The following NALCN variants were observed in gnomAD, a reference collection of about 807,000 sequenced individuals.
The protein encoded by NALCN is sodium leak channel, non-selective.
A neutral mutation model predicts 225.3 loss-of-function variants in NALCN; 111 were observed. That is an observed-to-expected ratio of 0.49 (90% CI 0.42 to 0.58). The LOEUF is 0.58. Ranked by LOEUF, NALCN falls within the 20% of genes least tolerant of loss-of-function variation. The probability of loss-of-function intolerance (pLI) is 0.00; values close to 1 mark genes in which losing one functional copy is unlikely to be tolerated. For synonymous variants in NALCN, 764 were observed against 769.0 expected (o/e 0.99, Z 0.11); for missense variants, 1,378 against 2,202.4 (o/e 0.63, Z 7.49).
At chr13:101,323,376 C>A (rs1298853548) in intron 7 of NALCN, among the ~76,000 whole-genome samples, 1 of 152,166 alleles carries the variant, frequency 6.6e-6, no homozygotes, top group Admixed American at 6.5e-5. Context: ...ACGGCATAAT[C>A]TGTTGACATT....
chr13:101,201,033 C>G (rs772471059), intron 13 of NALCN, among the ~76,000 whole-genome samples: 4 of 152,086 alleles, frequency 2.6e-5, no homozygotes, highest in Non-Finnish European at 5.9e-5. Flanking sequence ...TTTGCTATAT[C>G]CCAAGCACAT....
At chr13:101,254,338 A>ACT (rs2042150729) in intron 11 of NALCN, among the ~76,000 whole-genome samples, 1 of 133,604 alleles carries the variant, frequency 7.5e-6, no homozygotes. Context: ...GTGCCACTGC[A>ACT]CTCTAGCCTG....
At chr13:101,152,880 C>T (rs1324363904) in intron 15 of NALCN, among the ~76,000 whole-genome samples, 1 of 151,800 alleles carries the variant, frequency 6.6e-6, no homozygotes, top group Non-Finnish European at 1.5e-5. Context: ...ATCTTTTTTG[C>T]TCCACTTCAG....
intron 17 of NALCN, among the ~76,000 whole-genome samples, chr13:101,136,009 C>T (rs1029322721): frequency 8.5e-5 from 13 of 152,298 alleles, no homozygotes; most frequent in African/African-American, 2.6e-4. Flanking sequence ...CTAAGGAATA[C>T]AAACAGCTGA....
chr13:101,231,300 A>C (rs2140138126), intron 12 of NALCN, among the ~76,000 whole-genome samples: 1 of 152,298 alleles, frequency 6.6e-6, no homozygotes, highest in East Asian at 1.9e-4. Flanking sequence ...TTATTCACTC[A>C]TTTGTTTAAC....
At chr13:101,195,288 A>C (rs535769796) in intron 13 of NALCN, among the ~76,000 whole-genome samples, 20 of 151,914 alleles carry the variant, frequency 1.3e-4, no homozygotes, top group Non-Finnish European at 2.5e-4. Flanking sequence ...GTTTCCACCA[A>C]CTCTTTACAA....
At chr13:101,097,213 T>C (rs2139583321) in intron 27 of NALCN, among the ~76,000 whole-genome samples, 1 of 152,332 alleles carries the variant, frequency 6.6e-6, no homozygotes, top group African/African-American at 2.4e-5. Context: ...GGAAGAAAAC[T>C]TACCCACAAT....
intron 7 of NALCN, among the ~76,000 whole-genome samples, chr13:101,314,420 ATTTTGGAGC>A (rs1189576543): frequency 6.6e-6 from 1 of 152,188 alleles, no homozygotes; most frequent in African/African-American, 2.4e-5. Flanking sequence ...TACATGTGAA[ATTTTGGAGC>A]AAGGGCCAGA....
intron 27 of NALCN, 135 bp downstream of exon 27, chr13:101,100,649 T>C (rs1301779644): frequency 8.2e-6 from 5 of 606,940 alleles, no homozygotes; most frequent in South Asian, 5.2e-5. Context: ...GGTGAGATCA[T>C]AGCTCACTGC....
At chr13:101,147,191 C>G (rs2037389369) in intron 15 of NALCN, among the ~76,000 whole-genome samples, 1 of 152,190 alleles carries the variant, frequency 6.6e-6, no homozygotes, top group Admixed American at 6.5e-5. Flanking sequence ...ACCAGTGCCT[C>G]CCTGGCCAAT....
intron 39 of NALCN, 146 bp from the exon 40 acceptor site, chr13:101,065,707 C>T (rs1369455239): frequency 4.2e-6 from 4 of 955,814 alleles, no homozygotes; most frequent in Non-Finnish European, 6.0e-6. Flanking sequence ...CTCCTTGGAG[C>T]CTGGTAGAAT....
intron 10 of NALCN, among the ~76,000 whole-genome samples, chr13:101,278,522 C>CA (rs3061766): frequency 0.059 from 5,126 of 86,702 alleles, 403 homozygotes; most frequent in African/African-American, 0.094. Context: ...GACTCTGTCT[C>CA]AAAAAAAAAA....
At chr13:101,149,989 C>G (rs2037556009) in intron 15 of NALCN, among the ~76,000 whole-genome samples, 1 of 152,194 alleles carries the variant, frequency 6.6e-6, no homozygotes, top group Non-Finnish European at 1.5e-5. Context: ...TGTTAAAAGT[C>G]CCAAAATGTG....
rs777527349 is a variant in NALCN, at chr13:101,082,829, T to G, written c.3745A>C (p.Thr1249Pro). The change falls in exon 33 of 44, where the codon ACC (threonine) becomes CCC (proline). Residue 1249 changes from threonine (T) to proline (P), a missense_variant. Thr to Pro is a conservative substitution (Grantham distance 38). Transcript: ENST00000251127. ...AGTACCTCCAGAACAAAGATGAAGG[T>G]GAAAACAACTGACATTGTTGCCAAA... ...VPLATMSVVF[T>P]FIFVLEVTMK... is the part of the protein sequence containing the mutation. The G allele has an allele frequency of 2.5e-6, 4 of 1,613,954 alleles. No individual in the cohort carries two copies. The African/African-American group carries it at 5.3e-5, about 22-fold the overall frequency.
chr13:101,139,706 C>T lies in NALCN; in HGVS notation c.2118+3374G>A, dbSNP rs1040631023. On this transcript the variant is annotated intron_variant, in intron 17 of 43. Coordinates refer to ENST00000251127, the MANE Select transcript of NALCN (RefSeq NM_052867.4). ...TTTAATGGAAATTTCTAAGTGCTCG[C>T]TGAAAAATACTTTATAAGGGGAACT... 3.3e-5 allele frequency among the ~76,000 whole-genome samples: 5 copies of T among 151,958 alleles called. 1 individual carries two copies. The highest frequency in any genetic ancestry group is 4.4e-5 in the Non-Finnish European group (3 of 68,024).
At chr13:101,279,306 G>T (rs2043069101) in intron 10 of NALCN, among the ~76,000 whole-genome samples, 1 of 152,156 alleles carries the variant, frequency 6.6e-6, no homozygotes, top group African/African-American at 2.4e-5. Context: ...CTGTGAAAAT[G>T]TCAGTGCTTC....
intron 36 of NALCN, 43 bp downstream of exon 36, chr13:101,074,471 G>A (rs1229509703): frequency 6.8e-7 from 1 of 1,469,424 alleles, no homozygotes; most frequent in Non-Finnish European, 9.0e-7. Context: ...TATTACCAAA[G>A]GGTTTGCTTG....
intron 37 of NALCN, 62 bp from the exon 38 acceptor site, chr13:101,068,889 C>A: frequency 6.7e-7 from 1 of 1,488,228 alleles, no homozygotes; most frequent in South Asian, 1.5e-5. Context: ...TTTCTTTTAG[C>A]TGACTATAGT....
rs758646676 is a variant in NALCN, at chr13:101,192,006, C to A, written c.1675G>T (p.Val559Leu). 1.3e-6 allele frequency: 2 copies of A among 1,596,902 alleles called. No homozygotes were observed. The highest frequency in any genetic ancestry group is 1.7e-6 in the Non-Finnish European group (2 of 1,174,924). Reference sequence around the variant, plus strand: ...ACAGCATTTAGAGTTTGGTCCATTACGTCCACCCATCCTTCCTGGGTGAGG... The same window carrying A: ...ACAGCATTTAGAGTTTGGTCCATTAAGTCCACCCATCCTTCCTGGGTGAGG... ...QILTQEGWVD[V>L]MDQTLNAVGH... is the part of the protein sequence containing the mutation. Residue 559 changes from valine (V) to leucine (L), a missense_variant, in exon 14 of 44, where the codon GTA becomes TTA. By Grantham distance (32) the Val-to-Leu change is conservative. This residue lies in a region of NALCN where 62 missense variants were observed against 143.6 expected (regional missense o/e 0.43). Coordinates refer to ENST00000251127, the MANE Select transcript of NALCN (RefSeq NM_052867.4).
Sources: gnomAD v4.1 joint callset for allele counts (sites outside exome capture counted in the v4.1 genomes callset) on GRCh38, gnomAD v4.1.1 for gene constraint, gnomAD v4.1.1 regional missense constraint, MANE v1.5 for transcripts, NCBI Gene and HGNC (gene_info 2026-07-23, HGNC 2026-07-21) for gene names.